PLCB1: variants seen among roughly 807,000 people sequenced by gnomAD.
The protein encoded by PLCB1 is 1-phosphatidylinositol 4,5-bisphosphate phosphodiesterase beta-1.
In PLCB1, 46 loss-of-function variants were observed where a neutral mutation model predicts 161.8. The ratio of observed to expected loss-of-function variants is 0.28; its 90% CI spans 0.22 to 0.36. The LOEUF (loss-of-function observed/expected upper bound fraction) is 0.36, where lower values mean the gene tolerates loss of function less well. PLCB1 is among the 10% of genes least tolerant of loss of function. The pLI, the probability that PLCB1 is intolerant of heterozygous loss-of-function variation, is 1.00. For missense variants in PLCB1, 1,016 were observed against 1,472.5 expected (o/e 0.69, Z 5.07); for synonymous variants, 517 against 503.7 (o/e 1.03, Z -0.35).
At chr20:8,341,028 C>G (rs1056074560) in intron 2 of PLCB1, among the ~76,000 whole-genome samples, 15 of 152,218 alleles carry the variant, frequency 9.9e-5, no homozygotes, top group African/African-American at 3.6e-4. Context: ...CCTTCTGCCT[C>G]TTGCTCCAGA....
intron 2 of PLCB1, among the ~76,000 whole-genome samples, chr20:8,267,250 C>G (rs1293798139): frequency 6.6e-6 from 1 of 152,106 alleles, no homozygotes; most frequent in Non-Finnish European, 1.5e-5. Flanking sequence ...TGGTGATTCT[C>G]CAGCTGCTGC....
intron 9 of PLCB1, among the ~76,000 whole-genome samples, chr20:8,670,079 A>G (rs1017860163): frequency 6.6e-6 from 1 of 152,214 alleles, no homozygotes; most frequent in African/African-American, 2.4e-5. Context: ...GAGAACCTCT[A>G]ATTTTAAATG....
intron 3 of PLCB1, among the ~76,000 whole-genome samples, chr20:8,534,873 A>AACC (rs1215812552): frequency 1.3e-5 from 2 of 151,978 alleles, no homozygotes; most frequent in Admixed American, 6.6e-5. Context: ...CCTGCTCCTG[A>AACC]ACCACCGTGG....
At chr20:8,587,658 T>C (rs1231482653) in intron 3 of PLCB1, among the ~76,000 whole-genome samples, 1 of 152,220 alleles carries the variant, frequency 6.6e-6, no homozygotes, top group Non-Finnish European at 1.5e-5. Context: ...TTTGTTGCCA[T>C]TGGGTTCTGG....
intron 2 of PLCB1, among the ~76,000 whole-genome samples, chr20:8,344,253 A>T (rs942180881): frequency 6.6e-6 from 1 of 152,208 alleles, no homozygotes; most frequent in African/African-American, 2.4e-5. Context: ...GCACTGCCAG[A>T]TGCTAGCTTC....
At chr20:8,879,400 A>G (rs1987895088) in intron 31 of PLCB1, among the ~76,000 whole-genome samples, 1 of 152,148 alleles carries the variant, frequency 6.6e-6, no homozygotes, top group Non-Finnish European at 1.5e-5. Context: ...GATTTTAGAA[A>G]GGCAATGTGA....
intron 2 of PLCB1, among the ~76,000 whole-genome samples, chr20:8,324,370 C>T (rs1432258745): frequency 6.6e-6 from 1 of 152,030 alleles, no homozygotes. Flanking sequence ...ACTTCTAAAT[C>T]TATAATCAAT....
At chr20:8,592,646 G>A (rs1467001987) in intron 3 of PLCB1, among the ~76,000 whole-genome samples, 6 of 152,150 alleles carry the variant, frequency 3.9e-5, no homozygotes, top group Non-Finnish European at 8.8e-5. Context: ...CCTGCATTTT[G>A]ACGGTGACTC....
At chr20:8,589,528 G>T (rs924259234) in intron 3 of PLCB1, among the ~76,000 whole-genome samples, 3 of 151,762 alleles carry the variant, frequency 2.0e-5, no homozygotes, top group South Asian at 4.2e-4. Context: ...CCCACTTCCT[G>T]GTTCGTAGAC....
At chr20:8,269,485 A>G (rs1982165405) in intron 2 of PLCB1, among the ~76,000 whole-genome samples, 1 of 152,192 alleles carries the variant, frequency 6.6e-6, no homozygotes, top group Non-Finnish European at 1.5e-5. Flanking sequence ...AGGGCTACAG[A>G]TATGCTATTT....
chr20:8,222,137 A>T (rs1979446933), intron 2 of PLCB1, among the ~76,000 whole-genome samples: 1 of 152,142 alleles, frequency 6.6e-6, no homozygotes, highest in African/African-American at 2.4e-5. Context: ...TATATATTTT[A>T]AAGAAATTCA....
chr20:8,873,799 T>C (rs1251648131), intron 31 of PLCB1, among the ~76,000 whole-genome samples: 2 of 152,062 alleles, frequency 1.3e-5, no homozygotes, highest in Non-Finnish European at 2.9e-5. Context: ...AGTGAGAGCC[T>C]TATGATTTTT....
At chr20:8,228,864 C>T (rs1316258724) in intron 2 of PLCB1, among the ~76,000 whole-genome samples, 1 of 152,044 alleles carries the variant, frequency 6.6e-6, no homozygotes, top group Non-Finnish European at 1.5e-5. Context: ...GCATATCTAT[C>T]ACCTCAGAAG....
chr20:8,814,577 A>ATGTG (rs10670728), intron 31 of PLCB1, among the ~76,000 whole-genome samples: 43,270 of 145,028 alleles, frequency 0.3, 7,099 homozygotes, highest in South Asian at 0.51. Flanking sequence ...ATGTACTTGC[A>ATGTG]TGTGTGTGTG....
At chr20:8,140,658 G>A (rs1006699473) in intron 1 of PLCB1, among the ~76,000 whole-genome samples, 3 of 152,082 alleles carry the variant, frequency 2.0e-5, no homozygotes, top group East Asian at 1.9e-4. Flanking sequence ...GTGATTTGTC[G>A]AAGGGCACAT....
intron 31 of PLCB1, chr20:8,831,068 T>A (rs764844962): frequency 6.6e-6 from 1 of 152,260 alleles, no homozygotes; most frequent in East Asian, 1.9e-4. Flanking sequence ...TCTCAATACT[T>A]ATTTTAAAAT....
intron 2 of PLCB1, among the ~76,000 whole-genome samples, chr20:8,305,164 C>T (rs1159068693): frequency 6.6e-6 from 1 of 151,806 alleles, no homozygotes; most frequent in Non-Finnish European, 1.5e-5. Context: ...TTAAGAACAC[C>T]TGTACTTAAC....
At chr20:8,860,156 C>T (rs1987205275) in intron 31 of PLCB1, among the ~76,000 whole-genome samples, 1 of 152,180 alleles carries the variant, frequency 6.6e-6, no homozygotes, top group African/African-American at 2.4e-5. Flanking sequence ...CAGAGGTAAT[C>T]CTTGCAGATA....
At chr20:8,382,289 T>TC (rs1418971176) in intron 3 of PLCB1, among the ~76,000 whole-genome samples, 1 of 149,034 alleles carries the variant, frequency 6.7e-6, no homozygotes, top group Admixed American at 6.6e-5. Context: ...TTTTCTTTTT[T>TC]TTTTTTTTTT....
Sources: gnomAD v4.1 joint callset for allele counts (sites outside exome capture counted in the v4.1 genomes callset) on GRCh38, gnomAD v4.1.1 for gene constraint, MANE v1.5 for transcripts, NCBI Gene and HGNC (gene_info 2026-07-23, HGNC 2026-07-21) for gene names.